DLEC1: variants seen among roughly 807,000 people sequenced by gnomAD.
The protein encoded by DLEC1 is DLEC1 cilia and flagella associated protein, also known as deleted in lung and esophageal cancer protein 1.
A neutral mutation model predicts 198.1 loss-of-function variants in DLEC1; 146 were observed. That is an observed-to-expected ratio of 0.74 (90% CI 0.64 to 0.85). The LOEUF (loss-of-function observed/expected upper bound fraction) is 0.85, where lower values mean the gene tolerates loss of function less well. Among genes scored for constraint, DLEC1 ranks in the 40% least tolerant of loss-of-function variants. The pLI is 0.00. For missense variants in DLEC1, 2,233 were observed against 2,220.0 expected (o/e 1.01, Z -0.12); for synonymous variants, 897 against 866.8 (o/e 1.03, Z -0.61).
intron 6 of DLEC1, among the ~76,000 whole-genome samples, chr3:38,073,159 G>A (rs1006478054): frequency 2.6e-5 from 4 of 152,188 alleles, no homozygotes; most frequent in Non-Finnish European, 1.5e-5. Flanking sequence ...TTAAGATCGA[G>A]AACAGAACAC....
At chr3:38,095,144 A>G (rs1391734500) in intron 13 of DLEC1, 73 bp downstream of exon 13, 3 of 1,559,202 alleles carry the variant, frequency 1.9e-6, no homozygotes, top group East Asian at 2.3e-5. Context: ...GTGTTCCTCA[A>G]TCACACTGAA....
chr3:38,085,066 T>A (rs1698375788), intron 7 of DLEC1, among the ~76,000 whole-genome samples: 1 of 152,110 alleles, frequency 6.6e-6, no homozygotes, highest in African/African-American at 2.4e-5. Flanking sequence ...TGGTGTCATT[T>A]CCCCCCAGGC....
At chr3:38,098,577 G>A (rs1230143300) in intron 18 of DLEC1, among the ~76,000 whole-genome samples, 1 of 152,078 alleles carries the variant, frequency 6.6e-6, no homozygotes, top group Non-Finnish European at 1.5e-5. Context: ...GCACATGTGA[G>A]ACCCTGGCCA....
Position 38,045,648 on chromosome 3 carries a change from C to T in DLEC1, c.517C>T (p.Gln173Ter), listed in dbSNP as rs763471746. The change falls in exon 2 of 37, where the codon CAG becomes TAG. Residue 173 changes from glutamine to a stop codon, truncating the protein, a stop_gained. Coordinates refer to ENST00000308059, the MANE Select transcript of DLEC1 (RefSeq NM_007335.4). LOFTEE classifies it high-confidence loss of function. ...AIAENERVMS[Q>*]AGVQDLESLV... ...TGCGGAAAATGAGCGGGTCATGAGC[C>T]AGGCTGGAGTACAGGACCTCGAGAG... 6.8e-6 allele frequency: 11 copies of T among 1,614,038 alleles called. No individual in the cohort carries two copies. The South Asian group carries it at 1.1e-4, about 16-fold the overall frequency.
chr3:38,109,783 G>C (rs540423521), intron 22 of DLEC1: 1 of 832,782 alleles, frequency 1.2e-6, no homozygotes, highest in Non-Finnish European at 1.8e-6. Context: ...ACTTGGAGGC[G>C]TGGTGCCCTG....
At chr3:38,054,572 G>T (rs1696255647) in intron 2 of DLEC1, among the ~76,000 whole-genome samples, 1 of 152,230 alleles carries the variant, frequency 6.6e-6, no homozygotes, top group Non-Finnish European at 1.5e-5. Flanking sequence ...GCATGCTGAG[G>T]TTGGAGAACT....
rs1035393211 is a variant in DLEC1, at chr3:38,062,367, A to G, written c.872A>G (p.Lys291Arg). The change falls in exon 4 of 37, where the codon AAG (lysine) becomes AGG (arginine). Residue 291 changes from lysine to arginine, a missense_variant and splice_region_variant. By Grantham distance (26) the Lys-to-Arg change is conservative (BLOSUM62 2). Coordinates refer to ENST00000308059, the MANE Select transcript of DLEC1 (RefSeq NM_007335.4). ...AAAGAAAGGACCAGAGAACCTCTCA[A>G]GGTCAGTTTGGAAGGCTGTGCAGAG... Reference protein sequence around the residue: ...KAKERTREPLKKASQPRNKNW... With the variant: ...KAKERTREPLRKASQPRNKNW... 2.5e-6 allele frequency: 4 copies of G among 1,614,110 alleles called. No homozygotes were observed. The highest frequency in any genetic ancestry group is 3.4e-6 in the Non-Finnish European group (4 of 1,180,048).
chr3:38,062,453 G>C, intron 4 of DLEC1, 85 bp downstream of exon 4: 5 of 1,589,072 alleles, frequency 3.1e-6, no homozygotes, highest in Non-Finnish European at 4.3e-6. Context: ...ATGAGAAGCT[G>C]TGATGAATCC....
At chr3:38,114,525 T>C in intron 26 of DLEC1, 65 bp downstream of exon 26, 1 of 1,530,422 alleles carries the variant, frequency 6.5e-7, no homozygotes, top group Non-Finnish European at 9.0e-7. Flanking sequence ...GCCTCCGGGC[T>C]GGGCTGCCCA....
At chr3:38,076,142 G>C (rs1195645773) in intron 6 of DLEC1, among the ~76,000 whole-genome samples, 1 of 152,200 alleles carries the variant, frequency 6.6e-6, no homozygotes, top group Non-Finnish European at 1.5e-5. Context: ...AGAGATTGAA[G>C]GGTGGCGCCA....
chr3:38,043,833 A>G (rs1700762686), intron 1 of DLEC1, among the ~76,000 whole-genome samples: 1 of 152,210 alleles, frequency 6.6e-6, no homozygotes. Flanking sequence ...AGCTGGGATT[A>G]CAAGTGCCTG....
rs1439902761 is a variant in DLEC1, at chr3:38,118,038, T to A, written c.4704+14T>A. 1 of 1,578,540 alleles carries A rather than the reference T, an allele frequency of 6.3e-7. No individual in the cohort carries two copies. The highest frequency in any genetic ancestry group is 8.6e-7 in the Non-Finnish European group (1 of 1,163,006). ...GAGAACATGCTGGTCAGTGGGGGAG[T>A]CTGCAGCCCTTGCCTCGATGGCACA... is the stretch of plus-strand genomic sequence containing the variant. On this transcript the variant is annotated intron_variant, in intron 33 of 36. Coordinates refer to ENST00000308059, the MANE Select transcript of DLEC1 (RefSeq NM_007335.4).
intron 6 of DLEC1, among the ~76,000 whole-genome samples, chr3:38,079,543 G>C (rs1029830357): frequency 3.3e-5 from 5 of 152,204 alleles, no homozygotes; most frequent in African/African-American, 9.7e-5. Context: ...CAGTCTTCAG[G>C]CACTAAGCCA....
Position 38,112,868 on chromosome 3 carries a change from A to T in DLEC1, c.3666+507A>T, listed in dbSNP as rs1352319901. ...GGATACAGGGATGAATAAGGTAACC[A>T]GCAAGGCACCCCTAGTTTAGTCTGG... is the stretch of plus-strand genomic sequence containing the variant. On this transcript the variant is annotated intron_variant, in intron 25 of 36. Coordinates refer to ENST00000308059, the MANE Select transcript of DLEC1 (RefSeq NM_007335.4). The surrounding 1 kb of genome is among the most constrained non-coding windows in gnomAD (Gnocchi z 4.8). Among the ~76,000 whole-genome samples the T allele has an allele frequency of 6.6e-6, 1 of 152,208 alleles. No homozygotes were observed. Among genetic ancestry groups the T allele is most frequent in the African/African-American group, 2.4e-5 (1 of 41,454 alleles).
intron 17 of DLEC1, 45 bp downstream of exon 17, chr3:38,097,682 G>T (rs773649044): frequency 6.2e-7 from 1 of 1,613,816 alleles, no homozygotes; most frequent in East Asian, 2.2e-5. Context: ...CAGAGAGGTG[G>T]CAGGGCTGGG....
intron 10 of DLEC1, among the ~76,000 whole-genome samples, chr3:38,090,543 A>G (rs1249622944): frequency 6.6e-6 from 1 of 152,150 alleles, no homozygotes; most frequent in Non-Finnish European, 1.5e-5. Context: ...TGACCTGAAG[A>G]TTTTTTTCTG....
chr3:38,082,667 C>T (rs978505610), intron 6 of DLEC1, among the ~76,000 whole-genome samples: 1 of 151,894 alleles, frequency 6.6e-6, no homozygotes, highest in African/African-American at 2.4e-5. Flanking sequence ...TTGCCCCTCC[C>T]CCAGAAAAGC....
intron 23 of DLEC1, 52 bp downstream of exon 23, chr3:38,110,333 A>G (rs749364510): frequency 6.2e-7 from 1 of 1,602,572 alleles, no homozygotes; most frequent in South Asian, 1.1e-5. Context: ...GATGGGGTGT[A>G]CCCTGTTGAG....
intron 20 of DLEC1, 104 bp downstream of exon 20, chr3:38,107,841 C>T (rs751306212): frequency 1.5e-6 from 2 of 1,298,146 alleles, no homozygotes; most frequent in Non-Finnish European, 2.1e-6. Flanking sequence ...AACAGAGATA[C>T]TCAGCCTCCC....
Sources: gnomAD v4.1 joint callset for allele counts (sites outside exome capture counted in the v4.1 genomes callset) on GRCh38, gnomAD v4.1.1 for gene constraint, Gnocchi (gnomAD v3.1) non-coding constraint, MANE v1.5 for transcripts, NCBI Gene and HGNC (gene_info 2026-07-23, HGNC 2026-07-21) for gene names.